PRKDC: variants seen among roughly 807,000 people sequenced by gnomAD.
PRKDC encodes the protein protein kinase, DNA-activated, catalytic subunit.
Under a neutral mutation model 486.9 loss-of-function variants are expected in PRKDC, and 82 were observed. The observed-to-expected ratio is 0.17, with a 90% CI of 0.14 to 0.20. The LOEUF (loss-of-function observed/expected upper bound fraction) is 0.20. PRKDC is among the 10% of genes least tolerant of loss of function. PRKDC has a pLI of 1.00. For missense variants in PRKDC, 4,504 were observed against 5,038.2 expected (o/e 0.89, Z 3.21); for synonymous variants, 1,895 against 1,837.0 (o/e 1.03, Z -0.81).
intron 74 of PRKDC, among the ~76,000 whole-genome samples, chr8:47,792,254 A>T (rs970438729): frequency 7.9e-5 from 11 of 139,472 alleles, no homozygotes; most frequent in African/African-American, 2.6e-4. Context: ...CCACAGTAAA[A>T]TTTTTTTTTT....
chr8:47,851,189 T>C (rs1270152928), intron 52 of PRKDC, among the ~76,000 whole-genome samples: 1 of 152,204 alleles, frequency 6.6e-6, no homozygotes, highest in Admixed American at 6.5e-5. Flanking sequence ...CAGAAAAAAA[T>C]ACGTAAAACA....
chr8:47,820,561 G>A (rs997486648), intron 66 of PRKDC, among the ~76,000 whole-genome samples, 158 bp downstream of exon 66: 2 of 151,436 alleles, frequency 1.3e-5, no homozygotes, highest in African/African-American at 2.4e-5. Flanking sequence ...GGAAATAGGT[G>A]GTATGAAAAT....
intron 42 of PRKDC, 108 bp downstream of exon 42, chr8:47,863,282 ACTATAAAAG>A: frequency 6.9e-6 from 6 of 869,970 alleles, no homozygotes; most frequent in Non-Finnish European, 1.0e-5. Context: ...TAAGAAGAAA[ACTATAAAAG>A]CTCAGTATCT....
In PRKDC at chr8:47,912,516, C is replaced by T. The variant is rs547122321; in HGVS notation, c.2828G>A (p.Gly943Asp). Reference protein sequence around the residue: ...LLHSMVMFMLGKATQMPEGGQ... With the variant: ...LLHSMVMFMLDKATQMPEGGQ... ...CCCTTCTGGCATCTGCGTGGCTTTG[C>T]CCAACATAAACATAACCATGCTATG... The change falls in exon 25 of 86, where the codon GGC becomes GAC. Residue 943 changes from glycine (G) to aspartate (D), a missense_variant. Around this residue, in one of 6 missense-constraint regions of PRKDC, gnomAD observed 1,969 missense variants for 2,068.9 expected, o/e 0.95. Coordinates refer to ENST00000314191, the MANE Select transcript of PRKDC (RefSeq NM_006904.7). 5 of 1,612,432 alleles carry T rather than the reference C, an allele frequency of 3.1e-6. No individual in the cohort carries two copies. The Admixed American group carries it at 8.4e-5, about 27-fold the overall frequency.
At chr8:47,918,247 A>G in intron 22 of PRKDC, 30 bp downstream of exon 22, 4 of 1,409,324 alleles carry the variant, frequency 2.8e-6, no homozygotes, top group Non-Finnish European at 3.9e-6. Flanking sequence ...TGCATTATGT[A>G]AGGTACAGAA....
intron 68 of PRKDC, among the ~76,000 whole-genome samples, chr8:47,811,814 T>C (rs937906908): frequency 6.6e-6 from 1 of 152,028 alleles, no homozygotes; most frequent in Non-Finnish European, 1.5e-5. Context: ...CTGTCTCTAC[T>C]AAAAAATACA....
At chr8:47,858,704 A>G in intron 47 of PRKDC, 69 bp from the exon 48 acceptor site, 1 of 1,444,014 alleles carries the variant, frequency 6.9e-7, no homozygotes, top group East Asian at 2.5e-5. Flanking sequence ...ATATTATGGG[A>G]AAACAAGGAC....
At chr8:47,793,119 A>T (rs1328579400) in intron 74 of PRKDC, among the ~76,000 whole-genome samples, 2 of 152,202 alleles carry the variant, frequency 1.3e-5, no homozygotes, top group African/African-American at 4.8e-5. Flanking sequence ...CTTGGCCTCA[A>T]GCGATTCTTC....
At chr8:47,910,717 T>C (rs987553439) in intron 25 of PRKDC, among the ~76,000 whole-genome samples, 2 of 152,212 alleles carry the variant, frequency 1.3e-5, no homozygotes, top group African/African-American at 2.4e-5. Flanking sequence ...GAGTTATCAA[T>C]TGATTTGGGG....
Position 47,792,606 on chromosome 8 carries a change from T to A in PRKDC, c.10670+1684A>T, listed in dbSNP as rs140738296. Among the ~76,000 whole-genome samples, 3 of 152,196 alleles carry A rather than the reference T, an allele frequency of 2.0e-5. No homozygotes were observed. The East Asian group carries it at 5.8e-4, about 29-fold the overall frequency. The stretch of plus-strand genomic sequence containing the variant: ...ACATTTAAAAATAACTAAAAGAGTA[T>A]AACTGGAATGTTTATAACACAAAGA... On this transcript the variant is annotated intron_variant, in intron 74 of 85. Transcript: ENST00000314191.
chr8:47,787,344 G>GT (rs1469497862), intron 76 of PRKDC, among the ~76,000 whole-genome samples: 4 of 152,206 alleles, frequency 2.6e-5, no homozygotes, highest in South Asian at 2.1e-4. Flanking sequence ...TCTTTGATCT[G>GT]TAAGTGGATG....
chr8:47,946,256 G>A (rs912860299), intron 7 of PRKDC, among the ~76,000 whole-genome samples: 7 of 151,960 alleles, frequency 4.6e-5, no homozygotes, highest in African/African-American at 1.5e-4. Context: ...GCTTGAACTC[G>A]GGAGGCAGAG....
chr8:47,946,592 C>T (rs1268563107), intron 7 of PRKDC, among the ~76,000 whole-genome samples: 1 of 152,070 alleles, frequency 6.6e-6, no homozygotes, highest in Non-Finnish European at 1.5e-5. Flanking sequence ...AGACCCTCCG[C>T]CTGGTCTCTG....
chr8:47,938,463 A>G (rs2154503895), intron 11 of PRKDC, among the ~76,000 whole-genome samples: 1 of 152,150 alleles, frequency 6.6e-6, no homozygotes, highest in African/African-American at 2.4e-5. Flanking sequence ...AAAAAGGGAG[A>G]GATTGTAGGA....
At chr8:47,936,934 T>A (rs998429093) in intron 11 of PRKDC, among the ~76,000 whole-genome samples, 5 of 150,062 alleles carry the variant, frequency 3.3e-5, no homozygotes, top group African/African-American at 1.2e-4. Context: ...CACAAGCTTT[T>A]TAATTAAGAA....
At chr8:47,923,527 C>T (rs2090107640) in intron 21 of PRKDC, among the ~76,000 whole-genome samples, 1 of 152,234 alleles carries the variant, frequency 6.6e-6, no homozygotes, top group South Asian at 2.1e-4. Flanking sequence ...TCAGGATGCA[C>T]GTGTGGCCCA....
chr8:47,926,137 C>T (rs2090153810), intron 21 of PRKDC, among the ~76,000 whole-genome samples: 1 of 152,142 alleles, frequency 6.6e-6, no homozygotes, highest in Non-Finnish European at 1.5e-5. Flanking sequence ...TATATGCTAT[C>T]AGATATATTC....
intron 77 of PRKDC, among the ~76,000 whole-genome samples, chr8:47,784,518 G>A: frequency 6.6e-6 from 1 of 152,180 alleles, no homozygotes; most frequent in South Asian, 2.1e-4. Flanking sequence ...CCACTGAAAT[G>A]AGAATATGAA....
intron 29 of PRKDC, 36 bp from the exon 30 acceptor site, chr8:47,897,330 C>T (rs770485661): frequency 9.9e-6 from 15 of 1,507,990 alleles, no homozygotes; most frequent in South Asian, 1.4e-5. Flanking sequence ...TAGTCCCTCT[C>T]CAACATGCAA....
Sources: gnomAD v4.1 joint callset for allele counts (sites outside exome capture counted in the v4.1 genomes callset) on GRCh38, gnomAD v4.1.1 for gene constraint, gnomAD v4.1.1 regional missense constraint, MANE v1.5 for transcripts, NCBI Gene and HGNC (gene_info 2026-07-23, HGNC 2026-07-21) for gene names.